Variants in LSAMP observed in about 807,000 individuals in gnomAD.
LSAMP encodes the protein limbic system-associated membrane protein.
A neutral mutation model predicts 38.6 loss-of-function variants in LSAMP; 7 were observed. The observed-to-expected ratio is 0.18, with a 90% CI of 0.10 to 0.34. LSAMP has a LOEUF of 0.34. Among genes scored for constraint, LSAMP ranks in the 10% least tolerant of loss-of-function variants. The pLI is 1.00. For synonymous variants in LSAMP, 154 were observed against 166.8 expected (o/e 0.92, Z 0.59); for missense variants, 313 against 420.0 (o/e 0.75, Z 2.23).
intron 1 of LSAMP, among the ~76,000 whole-genome samples, chr3:116,176,540 G>A (rs1258073858): frequency 6.6e-6 from 1 of 152,032 alleles, no homozygotes; most frequent in Non-Finnish European, 1.5e-5. Flanking sequence ...CAATCAACCA[G>A]GCAACCAAAG....
At chr3:115,989,817 T>A (rs554592057) in intron 3 of LSAMP, among the ~76,000 whole-genome samples, 2 of 152,130 alleles carry the variant, frequency 1.3e-5, no homozygotes, top group South Asian at 4.1e-4. Context: ...ATTGCTATTA[T>A]TAATGATAAA....
chr3:115,875,580 C>T (rs1323899549), intron 3 of LSAMP, among the ~76,000 whole-genome samples: 2 of 152,034 alleles, frequency 1.3e-5, no homozygotes, highest in Non-Finnish European at 2.9e-5. Flanking sequence ...TTTTCTTTGA[C>T]AAGCTATTGC....
chr3:116,225,408 G>C (rs1338626615), intron 1 of LSAMP, among the ~76,000 whole-genome samples: 3 of 152,140 alleles, frequency 2.0e-5, no homozygotes, highest in African/African-American at 7.2e-5. Context: ...GCCGTCAGAG[G>C]GAGCACATCA....
chr3:116,313,197 T>C (rs1193257873), intron 1 of LSAMP, among the ~76,000 whole-genome samples: 1 of 152,206 alleles, frequency 6.6e-6, no homozygotes, highest in Admixed American at 6.5e-5. Flanking sequence ...TTCTAATTTG[T>C]CCTTCAATTA....
chr3:116,417,816 C>T (rs987695581), intron 1 of LSAMP, among the ~76,000 whole-genome samples: 2 of 146,426 alleles, frequency 1.4e-5, no homozygotes, highest in Non-Finnish European at 3.0e-5. Context: ...ATCTTTGAGG[C>T]TCCATCAGTA....
At chr3:115,944,418 C>T (rs1203779626) in intron 3 of LSAMP, among the ~76,000 whole-genome samples, 1 of 152,104 alleles carries the variant, frequency 6.6e-6, no homozygotes, top group Non-Finnish European at 1.5e-5. Context: ...AAGGGGACTA[C>T]ATCAGTTAAG....
intron 1 of LSAMP, among the ~76,000 whole-genome samples, chr3:116,373,233 GCACA>G (rs1173673951): frequency 6.7e-6 from 1 of 150,334 alleles, no homozygotes; most frequent in Non-Finnish European, 1.5e-5. Context: ...ATATATATAT[GCACA>G]CACACACATA....
At chr3:116,091,919 C>G (rs545332799) in intron 1 of LSAMP, among the ~76,000 whole-genome samples, 1 of 152,278 alleles carries the variant, frequency 6.6e-6, no homozygotes, top group Non-Finnish European at 1.5e-5. Context: ...GCCACCTCTT[C>G]AGAAAATCTT....
chr3:116,313,495 G>T (rs1266412202), intron 1 of LSAMP, among the ~76,000 whole-genome samples: 1 of 152,212 alleles, frequency 6.6e-6, no homozygotes, highest in African/African-American at 2.4e-5. Context: ...CTCTGGCACT[G>T]CCTGTGTTTT....
At chr3:115,945,399 G>A (rs1432991470) in intron 3 of LSAMP, among the ~76,000 whole-genome samples, 1 of 152,112 alleles carries the variant, frequency 6.6e-6, no homozygotes, top group African/African-American at 2.4e-5. Flanking sequence ...TTATAGGTCT[G>A]TCTCCGATGT....
intron 1 of LSAMP, among the ~76,000 whole-genome samples, chr3:116,224,457 T>C (rs550715451): frequency 2.0e-5 from 3 of 152,308 alleles, no homozygotes; most frequent in African/African-American, 7.2e-5. Flanking sequence ...CACTGGCAGA[T>C]TGCAATGGAA....
At chr3:116,264,296 C>G (rs1054397540) in intron 1 of LSAMP, among the ~76,000 whole-genome samples, 1 of 152,176 alleles carries the variant, frequency 6.6e-6, no homozygotes, top group South Asian at 2.1e-4. Flanking sequence ...CATTCTTAAT[C>G]TGGACTTTAT....
At chr3:116,025,253 A>G (rs1940758262) in intron 2 of LSAMP, among the ~76,000 whole-genome samples, 3 of 152,098 alleles carry the variant, frequency 2.0e-5, no homozygotes, top group African/African-American at 4.8e-5. Context: ...CATTTATTCA[A>G]TGTTTTCAAT....
chr3:116,103,042 T>C (rs1416246232), intron 1 of LSAMP, among the ~76,000 whole-genome samples: 1 of 152,196 alleles, frequency 6.6e-6, no homozygotes, highest in East Asian at 1.9e-4. Context: ...GTTGCTGCTG[T>C]AGCTCATCAA....
chr3:116,044,971 A>G (rs2107723848), intron 2 of LSAMP, among the ~76,000 whole-genome samples: 1 of 152,344 alleles, frequency 6.6e-6, no homozygotes. Flanking sequence ...AAAAAAACCC[A>G]GGCTGCCATT....
intron 1 of LSAMP, among the ~76,000 whole-genome samples, chr3:116,186,043 G>A (rs1422056385): frequency 3.3e-5 from 5 of 151,850 alleles, no homozygotes; most frequent in African/African-American, 1.2e-4. Context: ...TATCTTTGTA[G>A]CTTAAAGGCA....
intron 1 of LSAMP, among the ~76,000 whole-genome samples, chr3:116,270,594 T>A (rs918295615): frequency 6.6e-6 from 1 of 152,092 alleles, no homozygotes; most frequent in Admixed American, 6.6e-5. Flanking sequence ...AGGTCCAAGA[T>A]AATGTATTCC....
intron 3 of LSAMP, among the ~76,000 whole-genome samples, chr3:115,885,230 T>G (rs1342122001): frequency 6.6e-6 from 1 of 152,006 alleles, no homozygotes; most frequent in African/African-American, 2.4e-5. Flanking sequence ...CGTTTGTCTG[T>G]TCCTGTCCTT....
chr3:115,831,525 A>G (rs541083709), intron 6 of LSAMP, among the ~76,000 whole-genome samples: 4 of 152,294 alleles, frequency 2.6e-5, no homozygotes, highest in South Asian at 4.2e-4. Flanking sequence ...GTGCACTTCC[A>G]TTATGAAGAA....
Sources: gnomAD v4.1 joint callset for allele counts (sites outside exome capture counted in the v4.1 genomes callset) on GRCh38, gnomAD v4.1.1 for gene constraint, MANE v1.5 for transcripts, NCBI Gene and HGNC (gene_info 2026-07-23, HGNC 2026-07-21) for gene names.